The following ELMO1 variants were observed in gnomAD, a reference collection of about 807,000 sequenced individuals.
The protein encoded by ELMO1 is engulfment and cell motility 1, also known as engulfment and cell motility protein 1.
Under a neutral mutation model 98.9 loss-of-function variants are expected in ELMO1, and 26 were observed. That is an observed-to-expected ratio of 0.26 (90% confidence interval 0.19 to 0.36). The LOEUF (loss-of-function observed/expected upper bound fraction) is 0.36. Among genes scored for constraint, ELMO1 ranks in the 10% least tolerant of loss-of-function variants. The probability of loss-of-function intolerance (pLI) is 1.00; values close to 1 mark genes in which losing one functional copy is unlikely to be tolerated. For missense variants in ELMO1, 627 were observed against 935.2 expected, an observed-to-expected ratio of 0.67 and a Z score of 4.30; for synonymous variants, 346 against 346.0, an observed-to-expected ratio of 1.00 and a Z score of 0.00.
chr7:37,303,180 C>T (rs1798434159), intron 4 of ELMO1, among the ~76,000 whole-genome samples: 1 of 152,174 alleles, frequency 6.6e-6, no homozygotes, highest in African/African-American at 2.4e-5. Flanking sequence ...GTAAAGGAAT[C>T]TAGCTTTGTT....
chr7:37,030,201 C>G (rs1794801590), intron 15 of ELMO1, among the ~76,000 whole-genome samples: 1 of 152,108 alleles, frequency 6.6e-6, no homozygotes, highest in South Asian at 2.1e-4. Flanking sequence ...ACATAAGATG[C>G]TTTTAAAGGA....
intron 13 of ELMO1, among the ~76,000 whole-genome samples, chr7:37,209,859 T>C (rs560644395): frequency 3.9e-5 from 6 of 152,258 alleles, no homozygotes; most frequent in South Asian, 2.1e-4. Flanking sequence ...TTTTAAAAAA[T>C]TGATTCAACT....
chr7:37,335,969 G>A (rs1037801527), intron 2 of ELMO1, among the ~76,000 whole-genome samples: 7 of 152,174 alleles, frequency 4.6e-5, no homozygotes, highest in Admixed American at 1.3e-4. Context: ...TTCATGGACT[G>A]TAATCCCAGC....
In ELMO1 at chr7:37,083,533, G is replaced by GA. The variant is rs912737659; in HGVS notation, c.1300+13085dup. ...TAAAGCTCAAAATAGCTTCTTCAGG[G>GA]AAAAAAAATGTGATTCACACTTCTA... On this transcript the variant is annotated intron_variant, in intron 15 of 21. Transcript: ENST00000310758. Among the ~76,000 whole-genome samples, 19 of 152,092 alleles carry GA rather than the reference G, an allele frequency of 1.2e-4. No homozygotes were observed. In the East Asian group the frequency reaches 1.5e-3, roughly 12 times the overall value.
At chr7:37,018,953 G>C (rs192237022) in intron 15 of ELMO1, among the ~76,000 whole-genome samples, 61 of 152,240 alleles carry the variant, frequency 4.0e-4, no homozygotes, top group African/African-American at 1.4e-3. Context: ...ATAGATAAGC[G>C]GGGGGCGGGG....
intron 1 of ELMO1, among the ~76,000 whole-genome samples, chr7:37,365,504 C>G (rs1020997903): frequency 1.3e-5 from 2 of 152,196 alleles, no homozygotes; most frequent in African/African-American, 4.8e-5. Flanking sequence ...AGAAGAGAAG[C>G]CTTCTTCTAC....
chr7:36,872,748 A>G (rs187199519), intron 19 of ELMO1, among the ~76,000 whole-genome samples: 45 of 152,344 alleles, frequency 3.0e-4, no homozygotes, highest in East Asian at 1.9e-3. Flanking sequence ...TGACTTTCCA[A>G]TGGAAAACCC....
intron 4 of ELMO1, among the ~76,000 whole-genome samples, chr7:37,298,577 G>A (rs1334843449): frequency 6.8e-6 from 1 of 147,228 alleles, no homozygotes; most frequent in Non-Finnish European, 1.5e-5. Flanking sequence ...TCTTGCGATA[G>A]TTTACAGAGA....
intron 16 of ELMO1, among the ~76,000 whole-genome samples, chr7:36,956,845 A>G (rs1198816673): frequency 6.6e-6 from 1 of 152,260 alleles, no homozygotes; most frequent in Non-Finnish European, 1.5e-5. Flanking sequence ...GCCGGAAAAA[A>G]TGGCAAGAAA....
At chr7:36,929,563 T>C (rs138621585) in intron 16 of ELMO1, among the ~76,000 whole-genome samples, 2 of 152,156 alleles carry the variant, frequency 1.3e-5, no homozygotes, top group Admixed American at 6.5e-5. Context: ...GCATGCTTTA[T>C]GGTCTTCCAG....
At chr7:37,386,031 T>G (rs996973060) in intron 1 of ELMO1, among the ~76,000 whole-genome samples, 2 of 152,102 alleles carry the variant, frequency 1.3e-5, no homozygotes, top group African/African-American at 4.8e-5. Context: ...TCAGATGCTG[T>G]GTTAGTTGCC....
At chr7:36,945,850 T>C (rs1447116136) in intron 16 of ELMO1, among the ~76,000 whole-genome samples, 2 of 152,220 alleles carry the variant, frequency 1.3e-5, no homozygotes, top group East Asian at 3.9e-4. Flanking sequence ...GGACCAACTT[T>C]AATTAAAAGG....
At chr7:37,334,463 C>T (rs976245251) in intron 2 of ELMO1, among the ~76,000 whole-genome samples, 2 of 152,076 alleles carry the variant, frequency 1.3e-5, no homozygotes, top group African/African-American at 4.8e-5. Flanking sequence ...AAGAAAAAAA[C>T]CAAAAAACTG....
chr7:37,053,112 T>C (rs552399794), intron 15 of ELMO1, among the ~76,000 whole-genome samples: 1 of 152,140 alleles, frequency 6.6e-6, no homozygotes, highest in Non-Finnish European at 1.5e-5. Flanking sequence ...TTTAAAAAAG[T>C]CTTTAGGTTA....
intron 15 of ELMO1, among the ~76,000 whole-genome samples, chr7:37,062,654 G>A (rs1796728285): frequency 6.6e-6 from 1 of 152,216 alleles, no homozygotes; most frequent in South Asian, 2.1e-4. Context: ...CACTGTTGAT[G>A]TGTTAAATGT....
intron 1 of ELMO1, among the ~76,000 whole-genome samples, chr7:37,420,426 T>A (rs2131530095): frequency 1.3e-5 from 2 of 152,342 alleles, no homozygotes; most frequent in South Asian, 4.2e-4. Context: ...TTCACTTTTG[T>A]ACCTGATTTT....
chr7:37,180,558 C>T (rs1174338705), intron 13 of ELMO1, among the ~76,000 whole-genome samples: 5 of 152,046 alleles, frequency 3.3e-5, no homozygotes, highest in South Asian at 4.2e-4. Flanking sequence ...ACTGCATCCT[C>T]GTCTAGGAAA....
chr7:36,939,624 G>T (rs1786850253), intron 16 of ELMO1, among the ~76,000 whole-genome samples: 1 of 152,232 alleles, frequency 6.6e-6, no homozygotes. Flanking sequence ...GGGAAGCATT[G>T]CTGTGGCTCT....
At chr7:37,398,276 G>A (rs775577508) in intron 1 of ELMO1, among the ~76,000 whole-genome samples, 17 of 152,210 alleles carry the variant, frequency 1.1e-4, no homozygotes, top group South Asian at 4.1e-4. Flanking sequence ...CACATAACAT[G>A]CTAGTAAAGA....
Sources: allele counts gnomAD v4.1 joint callset (sites outside exome capture counted in the v4.1 genomes callset), GRCh38; gene constraint gnomAD v4.1.1; transcripts MANE v1.5; gene names NCBI Gene and HGNC (gene_info 2026-07-23, HGNC 2026-07-21).